The following HOOK3 variants were observed in gnomAD, a reference collection of about 807,000 sequenced individuals.
HOOK3 encodes protein Hook homolog 3.
A neutral mutation model predicts 116.3 loss-of-function variants in HOOK3; 24 were observed. The observed-to-expected ratio is 0.21, with a 90% CI of 0.15 to 0.29. The LOEUF (loss-of-function observed/expected upper bound fraction) is 0.29, where lower values mean the gene tolerates loss of function less well. Among genes scored for constraint, HOOK3 ranks in the 10% least tolerant of loss-of-function variants. The probability of loss-of-function intolerance (pLI) is 1.00; values close to 1 mark genes in which losing one functional copy is unlikely to be tolerated. For synonymous variants in HOOK3, 275 were observed against 283.0 expected (o/e 0.97, Z 0.28); for missense variants, 632 against 830.2 (o/e 0.76, Z 2.93).
intron 4 of HOOK3, among the ~76,000 whole-genome samples, chr8:42,932,464 A>G (rs1807892407): frequency 6.6e-6 from 1 of 152,194 alleles, no homozygotes; most frequent in Admixed American, 6.5e-5. Flanking sequence ...ACTCAGTGGA[A>G]GCCACCCAGA....
chr8:42,952,687 C>A (rs1313392807), intron 6 of HOOK3, among the ~76,000 whole-genome samples: 1 of 152,172 alleles, frequency 6.6e-6, no homozygotes, highest in Non-Finnish European at 1.5e-5. Flanking sequence ...CTTTATTACC[C>A]AGCAAAGCTT....
intron 2 of HOOK3, among the ~76,000 whole-genome samples, chr8:42,925,023 C>G (rs1056664005): frequency 4.0e-5 from 6 of 151,558 alleles, no homozygotes; most frequent in South Asian, 4.2e-4. Flanking sequence ...TGTTAACAGT[C>G]AAGTTGACTT....
intron 15 of HOOK3, 42 bp downstream of exon 15, chr8:42,986,837 C>G (rs1809057592): frequency 8.8e-6 from 14 of 1,594,692 alleles, no homozygotes; most frequent in Non-Finnish European, 1.2e-5. Flanking sequence ...TAAGTTTTCC[C>G]TATTTGCCTT....
chr8:43,007,838 T>A lies in HOOK3; in HGVS notation c.1656-9T>A. The A allele has an allele frequency of 6.4e-7, 1 of 1,570,948 alleles. No homozygotes were observed. Among genetic ancestry groups the A allele is most frequent in the Non-Finnish European group, 8.7e-7 (1 of 1,149,184 alleles). On this transcript the variant is annotated splice_polypyrimidine_tract_variant and intron_variant, in intron 17 of 21. Coordinates refer to ENST00000307602, the MANE Select transcript of HOOK3 (RefSeq NM_032410.4). ...GCAGTAGTAGGTGATGTTTACCTGT[T>A]TGTTACAGAGAGAAGCTGCATGAGG...
At chr8:42,963,688 T>C (rs1476857111) in intron 8 of HOOK3, among the ~76,000 whole-genome samples, 1 of 152,240 alleles carries the variant, frequency 6.6e-6, no homozygotes, top group East Asian at 1.9e-4. Context: ...TTATTTATTC[T>C]AGTGGGAGTG....
At chr8:42,929,502 T>G (rs1807834658) in intron 3 of HOOK3, among the ~76,000 whole-genome samples, 1 of 152,152 alleles carries the variant, frequency 6.6e-6, no homozygotes, top group African/African-American at 2.4e-5. Context: ...CTGTATGAGT[T>G]GGGTCAAACA....
rs1389306216 is a variant in HOOK3, at chr8:43,023,078, C to T, written c.*4580C>T. ...AGTATTAGCCAGGCATGGTGGCAGG[C>T]GCCTGTGATCCCAGCTACTTGGGAG... On this transcript the variant is annotated 3_prime_UTR_variant, in exon 22 of 22. Coordinates refer to ENST00000307602, the MANE Select transcript of HOOK3 (RefSeq NM_032410.4). The T allele has an allele frequency of 3.2e-5, 5 of 156,298 alleles. No homozygotes were observed. Among genetic ancestry groups the T allele is most frequent in the African/African-American group, 9.6e-5 (4 of 41,534 alleles). The allele number at this position is 156,298 out of a possible 1,614,324, so 9.7% of individuals were successfully genotyped here. A position where few individuals can be genotyped will look rare whatever the true frequency, so the allele number is the denominator to read the frequency against.
At chr8:42,949,531 TG>T (rs1415121347) in intron 5 of HOOK3, 2 of 152,226 alleles carry the variant, frequency 1.3e-5, no homozygotes, top group African/African-American at 4.8e-5. Flanking sequence ...ATACAATATT[TG>T]TTTAACTATG....
chr8:42,956,580 ATTTTGTT>A (rs965942205), intron 6 of HOOK3, among the ~76,000 whole-genome samples: 26 of 151,124 alleles, frequency 1.7e-4, no homozygotes, highest in Admixed American at 1.2e-3. Context: ...GTTTATTTTA[ATTTTGTT>A]TTTTGTTTTT....
chr8:42,909,963 C>T (rs1229171799), intron 2 of HOOK3, among the ~76,000 whole-genome samples: 4 of 152,112 alleles, frequency 2.6e-5, no homozygotes, highest in African/African-American at 9.7e-5. Context: ...AGATGATAGT[C>T]AGAGGGCATG....
chr8:42,905,310 T>C (rs1023593168), intron 1 of HOOK3, among the ~76,000 whole-genome samples: 1 of 133,836 alleles, frequency 7.5e-6, no homozygotes, highest in Non-Finnish European at 1.6e-5. Flanking sequence ...TTTTTTTTTT[T>C]CCTGTTTCTT....
intron 11 of HOOK3, 68 bp downstream of exon 11, chr8:42,968,282 A>G: frequency 9.3e-7 from 1 of 1,074,946 alleles, no homozygotes; most frequent in Non-Finnish European, 1.4e-6. Flanking sequence ...TAGCTTACCA[A>G]AATTACTAAT....
intron 13 of HOOK3, among the ~76,000 whole-genome samples, chr8:42,974,702 T>C (rs541958177): frequency 1.3e-5 from 2 of 152,226 alleles, no homozygotes; most frequent in Middle Eastern, 3.2e-3. Flanking sequence ...GTCCGAACCC[T>C]TAGTCACTGA....
chr8:42,897,945 T>C (rs1250970474), intron 1 of HOOK3, among the ~76,000 whole-genome samples: 1 of 152,128 alleles, frequency 6.6e-6, no homozygotes, highest in African/African-American at 2.4e-5. Context: ...GGGGGAGGGA[T>C]GCGCAGAGCC....
rs1430397682 is a variant in HOOK3, at chr8:42,995,684, A to G, written c.1533-1866A>G. ...TTAGATTGAGGTATCTAGCTGTTTGACAAATTTCTAGGCATTTCATTTTCA... is the reference window on the plus strand; with the variant it reads ...TTAGATTGAGGTATCTAGCTGTTTGGCAAATTTCTAGGCATTTCATTTTCA... On this transcript the variant is annotated intron_variant, in intron 15 of 21. Transcript: ENST00000307602. 2.0e-5 allele frequency among the ~76,000 whole-genome samples: 3 copies of G among 152,178 alleles called. No homozygotes were observed. The East Asian group carries it at 5.8e-4, about 29-fold the overall frequency.
At chr8:42,967,119 CAG>C (rs1485210191) in intron 10 of HOOK3, among the ~76,000 whole-genome samples, 12 of 152,056 alleles carry the variant, frequency 7.9e-5, no homozygotes, top group Non-Finnish European at 1.6e-4. Flanking sequence ...ATACTGAGAA[CAG>C]GGGAAATGCA....
At chr8:43,004,648 T>A (rs939325869) in intron 17 of HOOK3, among the ~76,000 whole-genome samples, 2 of 139,012 alleles carry the variant, frequency 1.4e-5, no homozygotes, top group Admixed American at 7.8e-5. Flanking sequence ...GTCACTGCAC[T>A]GCAGCCTGGG....
intron 4 of HOOK3, among the ~76,000 whole-genome samples, chr8:42,939,527 T>C (rs1167460099): frequency 2.2e-4 from 23 of 103,378 alleles, no homozygotes; most frequent in South Asian, 3.7e-4. Context: ...GGGGGGCTGA[T>C]CCCCCCACCT....
chr8:42,927,334 G>A (rs1234336199), intron 3 of HOOK3, among the ~76,000 whole-genome samples: 5 of 145,626 alleles, frequency 3.4e-5, no homozygotes, highest in Non-Finnish European at 7.4e-5. Context: ...TCGGCTCGCT[G>A]CAACCTCCGC....
Sources: gnomAD v4.1 joint callset for allele counts (sites outside exome capture counted in the v4.1 genomes callset) on GRCh38, gnomAD v4.1.1 for gene constraint, MANE v1.5 for transcripts, NCBI Gene and HGNC (gene_info 2026-07-23, HGNC 2026-07-21) for gene names.